DGKI: variants seen among roughly 807,000 people sequenced by gnomAD.
DGKI encodes diacylglycerol kinase iota.
In DGKI, 55 loss-of-function variants were observed where a neutral mutation model predicts 147.5. The observed-to-expected ratio is 0.37, with a 90% confidence interval of 0.30 to 0.47. DGKI has a LOEUF of 0.47. Ranked by LOEUF, DGKI falls within the 20% of genes least tolerant of loss-of-function variation. The pLI, the probability that DGKI is intolerant of heterozygous loss-of-function variation, is 1.00. For synonymous variants in DGKI, 469 were observed against 477.1 expected, an observed-to-expected ratio of 0.98 and a Z score of 0.22; for missense variants, 1,007 against 1,323.8, an observed-to-expected ratio of 0.76 and a Z score of 3.71.
chr7:137,535,422 T>C (rs564111757), intron 20 of DGKI, among the ~76,000 whole-genome samples: 2 of 152,280 alleles, frequency 1.3e-5, no homozygotes, highest in Non-Finnish European at 2.9e-5. Context: ...AAGTCAGATT[T>C]CTATTTGTGA....
At chr7:137,474,697 G>A (rs993419742) in intron 23 of DGKI, among the ~76,000 whole-genome samples, 9 of 152,198 alleles carry the variant, frequency 5.9e-5, no homozygotes, top group African/African-American at 2.2e-4. Flanking sequence ...TCCTTGAGGT[G>A]TTAAAATATC....
At chr7:137,737,144 T>G (rs1795045435) in intron 1 of DGKI, among the ~76,000 whole-genome samples, 1 of 147,524 alleles carries the variant, frequency 6.8e-6, no homozygotes, top group African/African-American at 2.5e-5. Context: ...GCTGGGTCTG[T>G]GCATACTCAC....
At chr7:137,775,225 G>A (rs1202223336) in intron 1 of DGKI, among the ~76,000 whole-genome samples, 1 of 152,080 alleles carries the variant, frequency 6.6e-6, no homozygotes, top group Admixed American at 6.5e-5. Context: ...AAGTCACGAA[G>A]CTATGATCTT....
At chr7:137,809,076 G>A (rs1563207310) in intron 1 of DGKI, among the ~76,000 whole-genome samples, 2 of 152,162 alleles carry the variant, frequency 1.3e-5, no homozygotes, top group African/African-American at 4.8e-5. Context: ...TGATGATTCA[G>A]ATACAGCTAA....
chr7:137,652,012 C>T (rs1822044806), intron 5 of DGKI, among the ~76,000 whole-genome samples: 1 of 152,120 alleles, frequency 6.6e-6, no homozygotes, highest in South Asian at 2.1e-4. Flanking sequence ...TAGAAAGTGA[C>T]ATACCGAAAA....
intron 1 of DGKI, among the ~76,000 whole-genome samples, chr7:137,788,892 C>T (rs535704985): frequency 1.3e-5 from 2 of 152,286 alleles, no homozygotes; most frequent in South Asian, 4.1e-4. Context: ...CCCAACAAAA[C>T]AAAATGTTAA....
intron 1 of DGKI, among the ~76,000 whole-genome samples, chr7:137,797,393 A>T (rs564742044): frequency 6.6e-6 from 1 of 152,320 alleles, no homozygotes; most frequent in East Asian, 1.9e-4. Flanking sequence ...CACATAGGTA[A>T]ATATGAAGGA....
chr7:137,667,739 G>A (rs1432084664), intron 3 of DGKI, among the ~76,000 whole-genome samples: 1 of 152,098 alleles, frequency 6.6e-6, no homozygotes, highest in Non-Finnish European at 1.5e-5. Context: ...CAAGCTATTT[G>A]GTGACATAAT....
intron 3 of DGKI, among the ~76,000 whole-genome samples, chr7:137,669,445 A>G (rs949750347): frequency 8.5e-5 from 13 of 152,230 alleles, no homozygotes; most frequent in Non-Finnish European, 1.6e-4. Context: ...TTGCAAGAAG[A>G]GAAACCATTT....
chr7:137,685,663 C>T (rs1823391008), intron 2 of DGKI, among the ~76,000 whole-genome samples: 1 of 152,114 alleles, frequency 6.6e-6, no homozygotes, highest in South Asian at 2.1e-4. Flanking sequence ...TTGTTTTACC[C>T]CAACTGGCTT....
intron 1 of DGKI, among the ~76,000 whole-genome samples, chr7:137,823,644 G>C (rs1023615969): frequency 2.6e-5 from 4 of 152,206 alleles, no homozygotes; most frequent in Admixed American, 2.6e-4. Context: ...AGGAAATCTG[G>C]AAGTCAGAGG....
chr7:137,434,179 C>G (rs966062587), intron 28 of DGKI, among the ~76,000 whole-genome samples: 9 of 151,504 alleles, frequency 5.9e-5, no homozygotes, highest in Admixed American at 5.9e-4. Context: ...TTTCTAACTC[C>G]TTTTTTCCCG....
At chr7:137,666,384 C>T (rs1484371124) in intron 3 of DGKI, among the ~76,000 whole-genome samples, 1 of 152,122 alleles carries the variant, frequency 6.6e-6, no homozygotes, top group African/African-American at 2.4e-5. Flanking sequence ...ACCTGGGTGA[C>T]ATGGCAGAAT....
intron 8 of DGKI, among the ~76,000 whole-genome samples, chr7:137,611,968 G>T (rs1477315278): frequency 6.6e-6 from 1 of 152,172 alleles, no homozygotes; most frequent in Non-Finnish European, 1.5e-5. Flanking sequence ...AGTGCTTGCA[G>T]GAACATGCTA....
At chr7:137,638,608 ATATACACACACACATATATATG>A (rs1821482722) in intron 6 of DGKI, among the ~76,000 whole-genome samples, 1 of 1,384 alleles carries the variant, frequency 7.2e-4, no homozygotes, top group African/African-American at 1.0e-3. Context: ...ATATGTATAT[ATATACACACACACATATATATG>A]TGTGTATATA....
intron 12 of DGKI, among the ~76,000 whole-genome samples, chr7:137,595,138 T>G (rs1819740374): frequency 6.6e-6 from 1 of 152,220 alleles, no homozygotes; most frequent in East Asian, 1.9e-4. Flanking sequence ...ATTAAAAAAA[T>G]TAGTTACCCT....
chr7:137,609,662 T>C (rs1365429849), intron 8 of DGKI, 53 bp from the exon 9 acceptor site: 12 of 1,350,224 alleles, frequency 8.9e-6, no homozygotes, highest in Non-Finnish European at 1.3e-5. Context: ...CCCAGGAGCT[T>C]TCCCATGCAG....
At chr7:137,425,241 G>A (rs552949183) in intron 28 of DGKI, among the ~76,000 whole-genome samples, 59 of 152,272 alleles carry the variant, frequency 3.9e-4, no homozygotes, top group African/African-American at 9.6e-4. Context: ...TGTGGTTCAC[G>A]AAAATCTGCT....
intron 6 of DGKI, among the ~76,000 whole-genome samples, chr7:137,634,490 C>A (rs1489223798): frequency 6.6e-6 from 1 of 152,128 alleles, no homozygotes; most frequent in Non-Finnish European, 1.5e-5. Context: ...GGAGAAATAC[C>A]TGTCCATGAA....
Sources: allele counts gnomAD v4.1 joint callset (sites outside exome capture counted in the v4.1 genomes callset), GRCh38; gene constraint gnomAD v4.1.1; transcripts MANE v1.5; gene names NCBI Gene and HGNC (gene_info 2026-07-23, HGNC 2026-07-21).